The following INPP5B variants were observed in gnomAD, a reference collection of about 807,000 sequenced individuals.
INPP5B encodes type II inositol 1,4,5-trisphosphate 5-phosphatase.
INPP5B carries 90 observed loss-of-function variants against 118.5 expected under a neutral mutation model. The observed-to-expected ratio is 0.76, with a 90% CI of 0.64 to 0.90. INPP5B has a LOEUF of 0.90. Among genes scored for constraint, INPP5B ranks in the 40% least tolerant of loss-of-function variants. The pLI is 0.00. For synonymous variants in INPP5B, 385 were observed against 418.9 expected, an observed-to-expected ratio of 0.92 and a Z score of 0.99; for missense variants, 984 against 1,125.6, an observed-to-expected ratio of 0.87 and a Z score of 1.80.
chr1:37,914,140 T>G (rs547122690), intron 7 of INPP5B, among the ~76,000 whole-genome samples: 4 of 152,350 alleles, frequency 2.6e-5, no homozygotes, highest in African/African-American at 7.2e-5. Flanking sequence ...ACACAAAGCC[T>G]GTTGGTGGAC....
At chr1:37,879,929 T>C (rs1643090224) in intron 15 of INPP5B, among the ~76,000 whole-genome samples, 156 bp downstream of exon 15, 1 of 152,188 alleles carries the variant, frequency 6.6e-6, no homozygotes, top group Non-Finnish European at 1.5e-5. Context: ...GCCTGCTTCA[T>C]GAGCAGATAC....
Position 37,940,802 on chromosome 1 carries a change from C to T in INPP5B, c.281-4G>A. On this transcript the variant is annotated splice_polypyrimidine_tract_variant and splice_region_variant and intron_variant, in intron 5 of 23. Transcript: ENST00000373024. ...AGCTGGACGGTCACATCTGAGCCTGCACAAAGGAGGCAGGAAATGAACCCT... is the reference window on the plus strand; with the variant it reads ...AGCTGGACGGTCACATCTGAGCCTGTACAAAGGAGGCAGGAAATGAACCCT... 1 of 1,604,972 alleles carries T rather than the reference C, an allele frequency of 6.2e-7. No homozygotes were observed. Among genetic ancestry groups the T allele is most frequent in the East Asian group, 2.2e-5 (1 of 44,794 alleles).
intron 7 of INPP5B, chr1:37,931,524 C>G: frequency 6.5e-7 from 1 of 1,535,802 alleles, no homozygotes; most frequent in Non-Finnish European, 8.7e-7. Flanking sequence ...ACTTCTGCCC[C>G]AGTGTCCCAG....
chr1:37,936,845 G>T (rs543387668), intron 6 of INPP5B, among the ~76,000 whole-genome samples: 1 of 151,548 alleles, frequency 6.6e-6, no homozygotes, highest in South Asian at 2.1e-4. Flanking sequence ...GGGATTACAG[G>T]CATGAGCCAC....
At chr1:37,918,029 A>G (rs1053698757) in intron 7 of INPP5B, among the ~76,000 whole-genome samples, 11 of 152,178 alleles carry the variant, frequency 7.2e-5, no homozygotes, top group Non-Finnish European at 1.3e-4. Context: ...TCTCCCGCCT[A>G]TTACCAGCAC....
chr1:37,876,562 A>T (rs1439573860), intron 16 of INPP5B, among the ~76,000 whole-genome samples: 1 of 147,652 alleles, frequency 6.8e-6, no homozygotes, highest in Non-Finnish European at 1.5e-5. Flanking sequence ...TAAAAAAAAA[A>T]AAAAAAAAAA....
chr1:37,932,536 T>C (rs780140489), intron 6 of INPP5B, among the ~76,000 whole-genome samples: 1 of 152,020 alleles, frequency 6.6e-6, no homozygotes, highest in Non-Finnish European at 1.5e-5. Flanking sequence ...GCCTGGCTAA[T>C]TTTTTGTATT....
At chr1:37,924,834 T>C (rs1645171595) in intron 7 of INPP5B, among the ~76,000 whole-genome samples, 1 of 151,940 alleles carries the variant, frequency 6.6e-6, no homozygotes. Context: ...GGTCAGGAGT[T>C]CAAGACCAGC....
chr1:37,927,559 CAG>C (rs1401068222), intron 7 of INPP5B, among the ~76,000 whole-genome samples: 5 of 146,832 alleles, frequency 3.4e-5, no homozygotes, highest in African/African-American at 7.6e-5. Flanking sequence ...TTTTTTGAGA[CAG>C]AGTCTCGCTC....
intron 12 of INPP5B, 126 bp from the exon 13 acceptor site, chr1:37,885,951 G>T: frequency 2.6e-6 from 2 of 764,656 alleles, no homozygotes; most frequent in South Asian, 3.3e-5. Context: ...AGTCCGAGGC[G>T]GGTGGATCAT....
intron 14 of INPP5B, among the ~76,000 whole-genome samples, chr1:37,881,796 C>T (rs1306252900): frequency 1.3e-5 from 2 of 151,910 alleles, no homozygotes; most frequent in Non-Finnish European, 2.9e-5. Flanking sequence ...TTAATCTGCA[C>T]TGGGGAAAAA....
Position 37,907,298 on chromosome 1 carries a change from T to A in INPP5B, c.533-15844A>T, listed in dbSNP as rs79256054. On this transcript the variant is annotated intron_variant, in intron 7 of 23. Coordinates refer to ENST00000373024, the MANE Select transcript of INPP5B (RefSeq NM_005540.3). The surrounding 1 kb of genome is among the most constrained non-coding windows in gnomAD (Gnocchi z 4.3). ...ACCTTTTGTTGGAACTCAAGAGACA[T>A]GAATGGCCTTGCCATACTGCTGCTT... Among the ~76,000 whole-genome samples, 543 of 152,362 alleles carry A rather than the reference T, an allele frequency of 3.6e-3. 2 individuals are homozygous for A. The highest frequency in any genetic ancestry group is 0.013 in the African/African-American group (523 of 41,590).
intron 7 of INPP5B, among the ~76,000 whole-genome samples, chr1:37,917,182 G>A (rs575263172): frequency 5.4e-5 from 8 of 148,904 alleles, no homozygotes; most frequent in Admixed American, 2.7e-4. Flanking sequence ...CCAGCTACTC[G>A]GGAGGCTGAG....
At chr1:37,886,408 C>T (rs1340124715) in intron 12 of INPP5B, among the ~76,000 whole-genome samples, 1 of 152,142 alleles carries the variant, frequency 6.6e-6, no homozygotes, top group Non-Finnish European at 1.5e-5. Context: ...AGGTGTGAGC[C>T]ACCACACCCA....
In INPP5B at chr1:37,875,567, C is replaced by T. The variant is rs1172297709; in HGVS notation, c.1788+39G>A. On this transcript the variant is annotated intron_variant, in intron 17 of 23. Coordinates refer to ENST00000373024, the MANE Select transcript of INPP5B (RefSeq NM_005540.3). ...ACAGGCGTGAGCCACTGCACCCGGCCTGAGCCCAATGCTAATATTCTTAAC... is the reference window on the plus strand; with the variant it reads ...ACAGGCGTGAGCCACTGCACCCGGCTTGAGCCCAATGCTAATATTCTTAAC... 2.6e-6 allele frequency: 4 copies of T among 1,533,700 alleles called. No individual in the cohort carries two copies. In the African/African-American group the frequency reaches 5.5e-5, roughly 21 times the overall value.
chr1:37,899,592 G>A (rs1644253857), intron 7 of INPP5B, among the ~76,000 whole-genome samples: 1 of 152,020 alleles, frequency 6.6e-6, no homozygotes, highest in Non-Finnish European at 1.5e-5. Context: ...TTTTCTCAAG[G>A]TACCTCTAGG....
At chr1:37,915,479 A>C (rs920428030) in intron 7 of INPP5B, among the ~76,000 whole-genome samples, 2 of 152,250 alleles carry the variant, frequency 1.3e-5, no homozygotes, top group Non-Finnish European at 2.9e-5. Context: ...AACTTACAAG[A>C]AAAATTTGTT....
At chr1:37,935,898 C>T (rs1645668871) in intron 6 of INPP5B, among the ~76,000 whole-genome samples, 1 of 151,846 alleles carries the variant, frequency 6.6e-6, no homozygotes, top group Non-Finnish European at 1.5e-5. Flanking sequence ...AACCCAGTCT[C>T]TATTAAAAAT....
At chr1:37,921,595 T>G (rs1418786063) in intron 7 of INPP5B, among the ~76,000 whole-genome samples, 3 of 152,144 alleles carry the variant, frequency 2.0e-5, no homozygotes, top group African/African-American at 7.2e-5. Context: ...GCCTATTATC[T>G]CCACACTTTG....
Sources: gnomAD v4.1 joint callset for allele counts (sites outside exome capture counted in the v4.1 genomes callset) on GRCh38, gnomAD v4.1.1 for gene constraint, Gnocchi (gnomAD v3.1) non-coding constraint, MANE v1.5 for transcripts, NCBI Gene and HGNC (gene_info 2026-07-23, HGNC 2026-07-21) for gene names.